The following UNC80 variants were observed in gnomAD, a reference collection of about 807,000 sequenced individuals.
UNC80 encodes unc-80 subunit of NALCN channel complex.
In UNC80, 164 loss-of-function variants were observed where a neutral mutation model predicts 384.6. The observed-to-expected ratio is 0.43, with a 90% CI of 0.38 to 0.49. The LOEUF (loss-of-function observed/expected upper bound fraction) is 0.49, where lower values mean the gene tolerates loss of function less well. UNC80 is among the 20% of genes least tolerant of loss of function. The pLI, the probability that UNC80 is intolerant of heterozygous loss-of-function variation, is 0.00. For missense variants in UNC80, 3,330 were observed against 4,143.0 expected (o/e 0.80, Z 5.39); for synonymous variants, 1,486 against 1,527.8 (o/e 0.97, Z 0.64).
chr2:209,947,458 G>C (rs938676127), intron 47 of UNC80, among the ~76,000 whole-genome samples: 1 of 152,140 alleles, frequency 6.6e-6, no homozygotes, highest in African/African-American at 2.4e-5. Context: ...CAAACACATT[G>C]AAATCAAAAG....
At chr2:209,894,840 A>G (rs562648811) in intron 27 of UNC80, among the ~76,000 whole-genome samples, 5 of 152,216 alleles carry the variant, frequency 3.3e-5, no homozygotes, top group South Asian at 4.1e-4. Flanking sequence ...AAGATTCTCT[A>G]TATTTTAAAG....
intron 59 of UNC80, 54 bp downstream of exon 59, chr2:209,978,762 G>T: frequency 7.1e-7 from 1 of 1,412,926 alleles, no homozygotes. Context: ...ATACGAGCAG[G>T]GGCTTGGGAA....
At chr2:209,918,016 A>C in intron 32 of UNC80, 58 bp downstream of exon 32, 2 of 1,509,660 alleles carry the variant, frequency 1.3e-6, no homozygotes, top group Non-Finnish European at 1.8e-6. Flanking sequence ...AGGTTTGTTT[A>C]AACCGTTGAA....
chr2:209,920,378 A>G (rs954827775), intron 33 of UNC80, among the ~76,000 whole-genome samples: 3 of 152,174 alleles, frequency 2.0e-5, no homozygotes, highest in African/African-American at 7.2e-5. Context: ...CATTACTTCA[A>G]GTGGATAGAG....
Position 209,834,932 on chromosome 2 carries a change from T to C in UNC80, c.2963T>C (p.Val988Ala). ...GSKRSEAGSI[V>A]DKGQVSSAPE... is the part of the protein sequence containing the mutation. ...CATAGGTCAGAGGCGGGAAGCATTG[T>C]GGATAAAGGCCAGGTATCCTCTGCA... is the stretch of plus-strand genomic sequence containing the variant. The change falls in exon 18 of 65, where the codon GTG becomes GCG. Residue 988 changes from valine to alanine, a missense_variant. By Grantham distance (64) the Val-to-Ala change is moderately conservative. Coordinates refer to ENST00000673920, the MANE Select transcript of UNC80 (RefSeq NM_001371986.1). 1 of 1,550,686 alleles carries C rather than the reference T, an allele frequency of 6.4e-7. No individual in the cohort carries two copies. The highest frequency in any genetic ancestry group is 8.7e-7 in the Non-Finnish European group (1 of 1,146,256).
At chr2:209,895,903 A>T in intron 27 of UNC80, among the ~76,000 whole-genome samples, 1 of 152,220 alleles carries the variant, frequency 6.6e-6, no homozygotes, top group East Asian at 1.9e-4. Context: ...AGCTGCAGTC[A>T]CAGAACAGTG....
rs1478478110 is a variant in UNC80, at chr2:209,997,307, A to G, written c.*1712A>G. The G allele has an allele frequency of 6.6e-6, 1 of 152,224 alleles. No homozygotes were observed. The highest frequency in any genetic ancestry group is 1.5e-5 in the Non-Finnish European group (1 of 68,034). The allele number at this position is 152,224 out of a possible 1,614,324, so 9.4% of individuals were successfully genotyped here. A position where few individuals can be genotyped will look rare whatever the true frequency, so the allele number is the denominator to read the frequency against. ...TCATGTTATTTACAGTTAATGCTGA[A>G]ATAATTCTCAAGTGCAGGAATATAA... On this transcript the variant is annotated 3_prime_UTR_variant, in exon 65 of 65. Coordinates refer to ENST00000673920, the MANE Select transcript of UNC80 (RefSeq NM_001371986.1).
chr2:209,922,690 G>T (rs1385506961), intron 35 of UNC80, among the ~76,000 whole-genome samples: 3 of 152,064 alleles, frequency 2.0e-5, no homozygotes, highest in Non-Finnish European at 4.4e-5. Flanking sequence ...CAACCAACTG[G>T]GAAGCTTAAA....
chr2:209,818,044 T>G (rs2079871001), intron 11 of UNC80, 92 bp downstream of exon 11: 1 of 1,429,692 alleles, frequency 7.0e-7, no homozygotes, highest in African/African-American at 1.4e-5. Flanking sequence ...TGTAATCCGC[T>G]TCCTGTGTTT....
At position 209,994,057 on chromosome 2, in the gene UNC80, A is replaced by G. The variant is rs1384585896; in HGVS notation, c.9509-8A>G. On this transcript the variant is annotated splice_polypyrimidine_tract_variant and splice_region_variant and intron_variant, in intron 63 of 64. Transcript: ENST00000673920. The stretch of plus-strand genomic sequence containing the variant: ...CTCCCCAATTTACTGTTTCACCTCT[A>G]CCTGCAGCGGATCAGAAACGATCTG... 7.8e-6 allele frequency: 12 copies of G among 1,546,580 alleles called. No homozygotes were observed. The highest frequency in any genetic ancestry group is 5.5e-5 in the African/African-American group (4 of 72,800).
chr2:209,923,655 A>G (rs530098763), intron 35 of UNC80, among the ~76,000 whole-genome samples: 6 of 152,236 alleles, frequency 3.9e-5, no homozygotes, highest in African/African-American at 1.4e-4. Context: ...TTATTTTGTC[A>G]TTATAACATG....
At chr2:209,928,346 A>T (rs888555711) in intron 36 of UNC80, among the ~76,000 whole-genome samples, 23 of 152,130 alleles carry the variant, frequency 1.5e-4, no homozygotes, top group African/African-American at 5.1e-4. Context: ...AAAAATAAAA[A>T]TAAAATAAAA....
chr2:209,820,643 C>A lies in UNC80; in HGVS notation c.2295C>A (p.Gly765=). ...GAGGAGGAGGTGGAGGAGGTGGAGG[C>A]GGCCCTTATGAGAAGAATGATAAGA... ...GDGGGGGGGG[G]GPYEKNDKNQ... is the part of the protein sequence containing the mutation. The change falls in exon 13 of 65, where the codon GGC becomes GGA. Residue 765 remains glycine, a synonymous_variant. Transcript: ENST00000673920. 2 of 1,545,074 alleles carry A rather than the reference C, an allele frequency of 1.3e-6. No homozygotes were observed. The highest frequency in any genetic ancestry group is 8.7e-7 in the Non-Finnish European group (1 of 1,144,218).
At chr2:209,992,285 G>A (rs1381331410) in intron 62 of UNC80, 38 bp downstream of exon 62, 3 of 1,527,682 alleles carry the variant, frequency 2.0e-6, no homozygotes, top group Middle Eastern at 1.7e-4. Context: ...ACCATCCTAC[G>A]AATTGGAAGC....
At chr2:209,837,918 C>T (rs569809194) in intron 18 of UNC80, among the ~76,000 whole-genome samples, 3 of 152,044 alleles carry the variant, frequency 2.0e-5, no homozygotes, top group Admixed American at 2.0e-4. Flanking sequence ...ACTACAGGCG[C>T]CCGCCACCGC....
intron 21 of UNC80, among the ~76,000 whole-genome samples, chr2:209,844,786 G>A (rs1216215785): frequency 1.4e-5 from 2 of 147,772 alleles, no homozygotes; most frequent in South Asian, 2.4e-4. Flanking sequence ...TAGAGATGGG[G>A]GTGGGGGGAT....
Position 209,839,165 on chromosome 2 carries a change from T to A in UNC80, c.3042-57T>A. 3 of 1,449,648 alleles carry A rather than the reference T, an allele frequency of 2.1e-6. No homozygotes were observed. Among genetic ancestry groups the A allele is most frequent in the Non-Finnish European group, 9.4e-7 (1 of 1,063,568 alleles). The allele number at this position is 1,449,648 out of a possible 1,614,324, so 89.8% of individuals were successfully genotyped here. On this transcript the variant is annotated intron_variant, in intron 18 of 64. Transcript: ENST00000673920. This position sits in a 1 kb window ranked among gnomAD's most constrained non-coding sequence, Gnocchi z 4.1. ...CATTGACAGGAAGATGAAAGAAATT[T>A]AGGAGAATTTCTCAAGTGTTGTCAG... is the stretch of plus-strand genomic sequence containing the variant.
intron 43 of UNC80, 123 bp from the exon 44 acceptor site, chr2:209,941,098 T>C (rs2091599118): frequency 1.6e-6 from 2 of 1,257,978 alleles, no homozygotes; most frequent in South Asian, 3.7e-5. Flanking sequence ...ATTTCAGCAG[T>C]AGATCTTCAC....
At chr2:209,890,816 T>A (rs2086259193) in intron 26 of UNC80, among the ~76,000 whole-genome samples, 1 of 152,216 alleles carries the variant, frequency 6.6e-6, no homozygotes, top group Non-Finnish European at 1.5e-5. Context: ...GTTGGGTTTT[T>A]AAATATACAT....
Sources: allele counts gnomAD v4.1 joint callset (sites outside exome capture counted in the v4.1 genomes callset), GRCh38; gene constraint gnomAD v4.1.1; non-coding constraint Gnocchi (gnomAD v3.1); transcripts MANE v1.5; gene names NCBI Gene and HGNC (gene_info 2026-07-23, HGNC 2026-07-21).